The following LSAMP variants were observed in gnomAD, a reference collection of about 807,000 sequenced individuals.
LSAMP encodes limbic system-associated membrane protein.
Under a neutral mutation model 38.6 loss-of-function variants are expected in LSAMP, and 7 were observed. The observed-to-expected ratio is 0.18, with a 90% confidence interval of 0.10 to 0.34. The LOEUF (loss-of-function observed/expected upper bound fraction) is 0.34. Among genes scored for constraint, LSAMP ranks in the 10% least tolerant of loss-of-function variants. The pLI, the probability that LSAMP is intolerant of heterozygous loss-of-function variation, is 1.00. For missense variants in LSAMP, 313 were observed against 420.0 expected, an observed-to-expected ratio of 0.75 and a Z score of 2.23; for synonymous variants, 154 against 166.8, an observed-to-expected ratio of 0.92 and a Z score of 0.59.
intron 3 of LSAMP, among the ~76,000 whole-genome samples, chr3:115,873,065 AG>A (rs1936089054): frequency 6.6e-6 from 1 of 152,142 alleles, no homozygotes; most frequent in African/African-American, 2.4e-5. Context: ...GCTACAAATT[AG>A]TGGAATCAAG....
At chr3:116,149,643 C>G (rs1709566580) in intron 1 of LSAMP, among the ~76,000 whole-genome samples, 1 of 151,882 alleles carries the variant, frequency 6.6e-6, no homozygotes, top group Non-Finnish European at 1.5e-5. Context: ...CTGGGCAGCT[C>G]AGCGTTATCT....
At chr3:116,280,173 A>G (rs1175474453) in intron 1 of LSAMP, among the ~76,000 whole-genome samples, 2 of 152,248 alleles carry the variant, frequency 1.3e-5, no homozygotes, top group African/African-American at 4.8e-5. Context: ...GTAGTATTAA[A>G]TCAATACATA....
chr3:116,001,764 C>A (rs947169397), intron 3 of LSAMP, among the ~76,000 whole-genome samples: 1 of 152,170 alleles, frequency 6.6e-6, no homozygotes, highest in African/African-American at 2.4e-5. Context: ...CTTCACATTC[C>A]CTTGGCACTC....
intron 1 of LSAMP, among the ~76,000 whole-genome samples, chr3:116,372,218 C>T (rs193289440): frequency 2.0e-4 from 30 of 152,036 alleles, no homozygotes; most frequent in African/African-American, 7.0e-4. Flanking sequence ...AGCATAAAGA[C>T]ATATATAGGC....
intron 4 of LSAMP, among the ~76,000 whole-genome samples, chr3:115,847,121 A>G (rs1300773059): frequency 6.6e-6 from 1 of 152,226 alleles, no homozygotes; most frequent in Non-Finnish European, 1.5e-5. Context: ...ATGGATAAAG[A>G]AAGGACTTTG....
intron 1 of LSAMP, among the ~76,000 whole-genome samples, chr3:116,111,601 T>C (rs112732248): frequency 0.035 from 5,386 of 152,066 alleles, 305 homozygotes; most frequent in African/African-American, 0.12. Context: ...TAGTAGTCTT[T>C]TTTTCCTTTT....
At chr3:116,373,182 T>A (rs971948900) in intron 1 of LSAMP, among the ~76,000 whole-genome samples, 1 of 151,368 alleles carries the variant, frequency 6.6e-6, no homozygotes, top group African/African-American at 2.4e-5. Flanking sequence ...CAGTGACAGA[T>A]AAATAGATAA....
intron 1 of LSAMP, among the ~76,000 whole-genome samples, chr3:116,290,154 C>T (rs886394361): frequency 3.9e-5 from 6 of 152,106 alleles, no homozygotes; most frequent in Non-Finnish European, 8.8e-5. Context: ...ACAACTCCCT[C>T]ATTTAGTCAA....
intron 1 of LSAMP, among the ~76,000 whole-genome samples, chr3:116,268,618 C>T (rs1036646424): frequency 2.6e-5 from 4 of 151,984 alleles, no homozygotes; most frequent in African/African-American, 2.4e-5. Context: ...GAGTCTCTCC[C>T]CCTTTGGTTA....
intron 1 of LSAMP, among the ~76,000 whole-genome samples, chr3:116,132,188 C>T (rs1163602732): frequency 6.6e-6 from 1 of 151,282 alleles, no homozygotes; most frequent in East Asian, 1.9e-4. Flanking sequence ...ACACTGAAAA[C>T]TACTTTTCTA....
intron 1 of LSAMP, among the ~76,000 whole-genome samples, chr3:116,325,934 C>T (rs181300319): frequency 1.6e-3 from 241 of 152,212 alleles, no homozygotes; most frequent in African/African-American, 5.5e-3. Context: ...AAAGCACAAG[C>T]GTATCCAAAG....
At chr3:116,338,039 C>A (rs1231507685) in intron 1 of LSAMP, among the ~76,000 whole-genome samples, 2 of 152,034 alleles carry the variant, frequency 1.3e-5, no homozygotes, top group East Asian at 3.9e-4. Flanking sequence ...CCTCCACAAC[C>A]TTATTCCAGT....
intron 1 of LSAMP, among the ~76,000 whole-genome samples, chr3:116,211,491 AAAT>A (rs1471340940): frequency 1.3e-5 from 2 of 152,170 alleles, no homozygotes; most frequent in Admixed American, 6.5e-5. Context: ...AAAAATTGAT[AAAT>A]AATAAAGCAA....
intron 3 of LSAMP, among the ~76,000 whole-genome samples, chr3:115,862,245 G>A (rs991785253): frequency 6.6e-6 from 1 of 152,334 alleles, no homozygotes; most frequent in East Asian, 1.9e-4. Context: ...TATCAAGAGA[G>A]ATGAGAGCAG....
At chr3:115,901,136 T>C (rs1186443170) in intron 3 of LSAMP, among the ~76,000 whole-genome samples, 2 of 152,138 alleles carry the variant, frequency 1.3e-5, no homozygotes, top group African/African-American at 4.8e-5. Context: ...TATTAGCTGC[T>C]CTGGACAGAC....
At chr3:116,330,556 C>T (rs978290339) in intron 1 of LSAMP, among the ~76,000 whole-genome samples, 7 of 152,088 alleles carry the variant, frequency 4.6e-5, no homozygotes, top group East Asian at 1.9e-4. Context: ...GCTCCCCCCC[C>T]CACAACCTTT....
At chr3:116,259,128 A>C (rs1375624724) in intron 1 of LSAMP, among the ~76,000 whole-genome samples, 1 of 152,136 alleles carries the variant, frequency 6.6e-6, no homozygotes, top group Admixed American at 6.6e-5. Flanking sequence ...GAGAAATTCT[A>C]CAAAATTGTT....
chr3:116,382,910 C>T (rs1210789212), intron 1 of LSAMP, among the ~76,000 whole-genome samples: 1 of 152,046 alleles, frequency 6.6e-6, no homozygotes, highest in Non-Finnish European at 1.5e-5. Flanking sequence ...CACAGAAGAA[C>T]AGCCTTAAGA....
At chr3:116,275,747 TCTCTC>T (rs749872500) in intron 1 of LSAMP, among the ~76,000 whole-genome samples, 2 of 152,120 alleles carry the variant, frequency 1.3e-5, no homozygotes, top group East Asian at 1.9e-4. Context: ...ACACTCCCCT[TCTCTC>T]CTCTCCTATA....
Sources: allele counts gnomAD v4.1 joint callset (sites outside exome capture counted in the v4.1 genomes callset), GRCh38; gene constraint gnomAD v4.1.1; transcripts MANE v1.5; gene names NCBI Gene and HGNC (gene_info 2026-07-23, HGNC 2026-07-21).